TKFC: variants seen among roughly 807,000 people sequenced by gnomAD.
TKFC encodes the protein triokinase/FMN cyclase.
In TKFC, 46 loss-of-function variants were observed where a neutral mutation model predicts 61.0. That is an observed-to-expected ratio of 0.75 (90% CI 0.60 to 0.96). TKFC has a LOEUF of 0.96. TKFC is among the 50% of genes least tolerant of loss of function. The probability of loss-of-function intolerance (pLI) is 0.00; values close to 1 mark genes in which losing one functional copy is unlikely to be tolerated. For missense variants in TKFC, 715 were observed against 777.5 expected (o/e 0.92, Z 0.96); for synonymous variants, 314 against 330.1 (o/e 0.95, Z 0.53).
rs1857210784 is a variant in TKFC at position 61,347,757 on chromosome 11, A to G, written c.*1254A>G. 1 of 982,758 alleles carries G rather than the reference A, an allele frequency of 1.0e-6. No individual in the cohort carries two copies. Among genetic ancestry groups the G allele is most frequent in the Non-Finnish European group, 1.2e-6 (1 of 827,620 alleles). 60.9% of individuals were successfully genotyped at this position (982,758 alleles called of 1,614,324 possible). On this transcript the variant is annotated 3_prime_UTR_variant, in exon 18 of 18. Coordinates refer to ENST00000394900, the MANE Select transcript of TKFC (RefSeq NM_015533.4). The stretch of plus-strand genomic sequence containing the variant: ...TCTGATTCTGCTTTAACCCGGCTAC[A>G]GGAGCTAAGGCCTATTTTTTAGCCC...
rs547013163 is a variant in TKFC at position 61,346,403 on chromosome 11, G to T, written c.1628G>T (p.Arg543Ile). Residue 543 changes from arginine to isoleucine, a missense_variant, in exon 18 of 18, where the codon AGA (arginine) becomes ATA (isoleucine). Transcript: ENST00000394900. This position sits in a 1 kb window ranked among gnomAD's most constrained non-coding sequence, Gnocchi z 4.1. Reference protein sequence around the residue: ...ATKNMEAGAGRASYISSARLE... With the variant: ...ATKNMEAGAGIASYISSARLE... ...AAGAATATGGAAGCTGGAGCCGGAA[G>T]AGCCAGTTATATCAGCTCAGCACGG... The T allele has an allele frequency of 1.4e-5, 22 of 1,612,616 alleles. No individual in the cohort carries two copies. In the South Asian group the frequency reaches 2.3e-4, roughly 17 times the overall value.
rs1019491307 is a variant in TKFC at position 61,346,296 on chromosome 11, A to G, written c.1576-55A>G. On this transcript the variant is annotated intron_variant, in intron 17 of 17. Transcript: ENST00000394900. This position sits in a 1 kb window ranked among gnomAD's most constrained non-coding sequence, Gnocchi z 4.1. Reference sequence around the variant, plus strand: ...GCAGAGACGTTCTGCCCATGGCAGGAAGGAGGCGGCCTGGTGATCTGCCCT... The same window carrying G: ...GCAGAGACGTTCTGCCCATGGCAGGGAGGAGGCGGCCTGGTGATCTGCCCT... 1 of 1,607,752 alleles carries G rather than the reference A, an allele frequency of 6.2e-7. No homozygotes were observed. Among genetic ancestry groups the G allele is most frequent in the African/African-American group, 1.3e-5 (1 of 75,044 alleles).
chr11:61,337,293 C>T (rs566515662), intron 2 of TKFC, among the ~76,000 whole-genome samples: 1 of 152,198 alleles, frequency 6.6e-6, no homozygotes, highest in African/African-American at 2.4e-5. Flanking sequence ...TCCAGGCATG[C>T]ACCACCATGC....
chr11:61,336,196 C>T (rs1856600717), intron 2 of TKFC: 1 of 154,448 alleles, frequency 6.5e-6, no homozygotes, highest in South Asian at 2.0e-4. Context: ...TCTTCTTGCT[C>T]CCTACAGACC....
chr11:61,345,626 T>C, intron 15 of TKFC, 61 bp downstream of exon 15: 2 of 1,612,562 alleles, frequency 1.2e-6, no homozygotes, highest in Non-Finnish European at 1.7e-6. Context: ...TGGTGACATC[T>C]GCGCCCTGCC....
Position 61,345,286 on chromosome 11 carries a change from C to A in TKFC, c.1267C>A (p.Pro423Thr). The change falls in exon 14 of 18, where the codon CCA (proline) becomes ACA (threonine). Residue 423 changes from proline (P) to threonine (T), a missense_variant. Pro to Thr is a conservative substitution (Grantham distance 38). Transcript: ENST00000394900. Reference protein sequence around the residue: ...RAIQEWLKEGPPPASPAQLLS... With the variant: ...RAIQEWLKEGTPPASPAQLLS... Reference sequence around the variant, plus strand: ...AATCCAGGAGTGGCTGAAGGAGGGCCCACCCCCTGCCAGCCCTGCCCAGCT... The same window carrying A: ...AATCCAGGAGTGGCTGAAGGAGGGCACACCCCCTGCCAGCCCTGCCCAGCT... 1 of 1,590,340 alleles carries A rather than the reference C, an allele frequency of 6.3e-7. No individual in the cohort carries two copies. The highest frequency in any genetic ancestry group is 8.6e-7 in the Non-Finnish European group (1 of 1,166,126).
rs764457093 is a variant in TKFC at position 61,342,649 on chromosome 11, G to T, written c.766G>T (p.Val256Leu). The T allele has an allele frequency of 1.9e-6, 3 of 1,613,932 alleles. No homozygotes were observed. In the African/African-American group the frequency reaches 4.0e-5, roughly 22 times the overall value. The change falls in exon 9 of 18, where the codon GTG (valine) becomes TTG (leucine). Residue 256 changes from valine to leucine, a missense_variant. Val to Leu is a conservative substitution (Grantham distance 32). Coordinates refer to ENST00000394900, the MANE Select transcript of TKFC (RefSeq NM_015533.4). ...CACCACCAACGCGTCCCATGTGCCTGTGCAGCCCGGTGGGTAGCCTCTCGC... is the reference window on the plus strand; with the variant it reads ...CACCACCAACGCGTCCCATGTGCCTTTGCAGCCCGGTGGGTAGCCTCTCGC... ...TNTTNASHVP[V>L]QPGSSVVMMV...
At position 61,345,467 on chromosome 11, in the gene TKFC, T is replaced by A; in HGVS notation, c.1353T>A (p.Tyr451Ter). ...EKMGGSSGAL[Y>*]GLFLTAAAQP... Reference sequence around the variant, plus strand: ...AGCGTTGTCATCTTCCCCAGCTCTATGGCCTGTTCCTGACTGCGGCTGCAC... The same window carrying A: ...AGCGTTGTCATCTTCCCCAGCTCTAAGGCCTGTTCCTGACTGCGGCTGCAC... Residue 451 changes from tyrosine (Y) to a stop codon, truncating the protein, a stop_gained, in exon 15 of 18, where the codon TAT (tyrosine) becomes TAA (stop). Coordinates refer to ENST00000394900, the MANE Select transcript of TKFC (RefSeq NM_015533.4). LOFTEE classifies it high-confidence loss of function. 6.2e-7 allele frequency: 1 copy of A among 1,613,330 alleles called. No homozygotes were observed.
At chr11:61,339,644 C>A in intron 5 of TKFC, 2 of 591,194 alleles carry the variant, frequency 3.4e-6, no homozygotes. Flanking sequence ...TTTTCTTCTC[C>A]ACACCCAATC....
At chr11:61,350,660 G>T, downstream of TKFC, 1 of 603,736 alleles carries the variant, frequency 1.7e-6, no homozygotes. Context: ...CTAGCCCCCA[G>T]GCTGGTAAAG....
At chr11:61,352,305 C>CT (rs1857449687), downstream of TKFC, 2 of 34,038 alleles carry the variant, frequency 5.9e-5, no homozygotes, top group Non-Finnish European at 1.4e-3. Flanking sequence ...TCTGTTCCCT[C>CT]ATTTTTTTTA....
chr11:61,343,205 G>A, intron 10 of TKFC, 137 bp from the exon 11 acceptor site: 1 of 782,582 alleles, frequency 1.3e-6, no homozygotes, highest in South Asian at 1.7e-5. Context: ...GGTTATTGAG[G>A]GATGCCTGCC....
chr11:61,345,052 G>T (rs574004651), intron 13 of TKFC, among the ~76,000 whole-genome samples: 1 of 152,212 alleles, frequency 6.6e-6, no homozygotes, highest in Non-Finnish European at 1.5e-5. Flanking sequence ...CAAGTGGAGG[G>T]CTTCGGGGCA....
At chr11:61,338,372 A>G (rs1226647219) in intron 3 of TKFC, among the ~76,000 whole-genome samples, 1 of 152,184 alleles carries the variant, frequency 6.6e-6, no homozygotes, top group Non-Finnish European at 1.5e-5. Context: ...TCTAGCTCTG[A>G]GAGTCGGTGA....
In TKFC at chr11:61,345,552, G is replaced by A; in HGVS notation, c.1438G>A (p.Glu480Lys). The A allele has an allele frequency of 6.2e-7, 1 of 1,613,076 alleles. No homozygotes were observed. The highest frequency in any genetic ancestry group is 8.5e-7 in the Non-Finnish European group (1 of 1,180,030). Residue 480 changes from glutamate to lysine, a missense_variant, in exon 15 of 18, where the codon GAA (glutamate) becomes AAA (lysine). Glu to Lys is a moderately conservative substitution (Grantham distance 56). Transcript: ENST00000394900. ...AWSAAMDAGL[E>K]AMQKYGKAAP... ...GTCTGCTGCCATGGATGCCGGCCTG[G>A]AAGCCATGCAGAAGTGAGCCAGAGC...
At chr11:61,342,400 A>T in intron 7 of TKFC, 61 bp from the exon 8 acceptor site, 2 of 1,610,638 alleles carry the variant, frequency 1.2e-6, no homozygotes, top group Non-Finnish European at 8.5e-7. Flanking sequence ...AGTCCTTGAT[A>T]AAAACGATGA....
downstream of TKFC, chr11:61,352,865 G>C (rs772707412): frequency 2.6e-6 from 4 of 1,561,902 alleles, no homozygotes; most frequent in Non-Finnish European, 2.6e-6. Flanking sequence ...TCCAGATCAG[G>C]AGTGGACCCA....
At chr11:61,349,759 CCT>C (rs1857310907), downstream of TKFC, 1 of 658,318 alleles carries the variant, frequency 1.5e-6, no homozygotes, top group African/African-American at 1.8e-5. Context: ...CGCCACTCCC[CCT>C]TTCTGCAATC....
intron 1 of TKFC, 92 bp downstream of exon 1, chr11:61,333,421 C>T (rs1043412083): frequency 1.3e-5 from 2 of 154,570 alleles, no homozygotes; most frequent in Non-Finnish European, 1.4e-5. Flanking sequence ...TTCCGTTGCT[C>T]CAGGAGCCCT....
Sources: allele counts gnomAD v4.1 joint callset (sites outside exome capture counted in the v4.1 genomes callset), GRCh38; gene constraint gnomAD v4.1.1; non-coding constraint Gnocchi (gnomAD v3.1); transcripts MANE v1.5; gene names NCBI Gene and HGNC (gene_info 2026-07-23, HGNC 2026-07-21).